The following OTUD1 variants were observed in gnomAD, a reference collection of about 807,000 sequenced individuals.
OTUD1 encodes OTU deubiquitinase 1.
Under a neutral mutation model 30.0 loss-of-function variants are expected in OTUD1, and 15 were observed. That is an observed-to-expected ratio of 0.50 (90% CI 0.33 to 0.77). OTUD1 has a LOEUF of 0.77. Among genes scored for constraint, OTUD1 ranks in the 30% least tolerant of loss-of-function variants. OTUD1 has a pLI of 0.02. For missense variants in OTUD1, 796 were observed against 697.8 expected (o/e 1.14, Z -1.59); for synonymous variants, 381 against 326.3 (o/e 1.17, Z -1.81).
At position 23,439,110 on chromosome 10, in the gene OTUD1, C is replaced by G. The variant is rs1182774362; in HGVS notation, c.-348C>G. Among the ~76,000 whole-genome samples, 3 of 150,746 alleles carry G rather than the reference C, an allele frequency of 2.0e-5. No homozygotes were observed. The highest frequency in any genetic ancestry group is 4.4e-5 in the Non-Finnish European group (3 of 67,504). ...ACCGCGCTCCTCCTCGCCGGCGGGA[C>G]GCGCTCCAACGGGGCGGGCGGCTTC... On this transcript the variant is annotated 5_prime_UTR_variant, in exon 1 of 1. Coordinates refer to ENST00000376495, the MANE Select transcript of OTUD1 (RefSeq NM_001145373.3).
rs772805193 is a variant in OTUD1 at position 23,440,526 on chromosome 10, C to A, written c.1069C>A (p.Leu357Met). 2 of 1,551,754 alleles carry A rather than the reference C, an allele frequency of 1.3e-6. No homozygotes were observed. ...IADHLDHFSP[L>M]IEGDVGEFII... is the part of the protein sequence containing the mutation. ...CGACCATCTCGACCACTTCAGCCCC[C>A]TGATTGAGGGCGACGTGGGGGAGTT... Residue 357 changes from leucine to methionine, a missense_variant, in exon 1 of 1, where the codon CTG (leucine) becomes ATG (methionine). Physicochemically the swap from Leu to Met is conservative, Grantham distance 15 (BLOSUM62 2). Transcript: ENST00000376495.
rs141310999 is a variant in OTUD1, at chr10:23,441,567, GT to G, written c.*674del. 7,631 of 158,624 alleles carry G rather than the reference GT, an allele frequency of 0.048. 619 individuals carry two copies. Among genetic ancestry groups the G allele is most frequent in the African/African-American group, 0.17 (6,980 of 40,334 alleles). The allele number at this position is 158,624 out of a possible 1,614,324, so 9.8% of individuals were successfully genotyped here. ...AGGTTGTGGGAAGGTGTTTTTTTGT[GT>G]TTTTTTTTTGGTTTTTGTTTTGTTT... On this transcript the variant is annotated 3_prime_UTR_variant, in exon 1 of 1. Coordinates refer to ENST00000376495, the MANE Select transcript of OTUD1 (RefSeq NM_001145373.3).
chr10:23,440,736 C>T lies in OTUD1; in HGVS notation c.1279C>T (p.Leu427Phe). ...GAGGCCTAGTATTTGGCTCAGTTGG[C>T]TCAGTAACGGACACTATGATGCTGT... ...SLRPSIWLSW[L>F]SNGHYDAVFD... is the part of the protein sequence containing the mutation. The change falls in exon 1 of 1, where the codon CTC becomes TTC. Residue 427 changes from leucine to phenylalanine, a missense_variant. By Grantham distance (22) the Leu-to-Phe change is conservative (BLOSUM62 0). Transcript: ENST00000376495. 6.4e-7 allele frequency: 1 copy of T among 1,552,062 alleles called. No individual in the cohort carries two copies.
chr10:23,439,664 CG>C lies in OTUD1; in HGVS notation c.208del (p.Ala70ProfsTer126). On this transcript the variant is annotated frameshift_variant, in exon 1 of 1. Coordinates refer to ENST00000376495, the MANE Select transcript of OTUD1 (RefSeq NM_001145373.3). LOFTEE classifies it high-confidence loss of function. ...ACCGGGAAGCCGCCGCTGTCCCCGC[CG>C]CCAAGATGCCCGCCTTCTCCTCCTG... ...EHREAAAVPA[A>X]KMPAFSSCFE... 7.7e-7 allele frequency: 1 copy of C among 1,298,974 alleles called. No homozygotes were observed. Among genetic ancestry groups the C allele is most frequent in the Non-Finnish European group, 9.8e-7 (1 of 1,016,488 alleles). The allele number at this position is 1,298,974 out of a possible 1,614,324, so 80.5% of individuals were successfully genotyped here.
chr10:23,440,311 C>G lies in OTUD1; in HGVS notation c.854C>G (p.Pro285Arg), dbSNP rs1847113849. The change falls in exon 1 of 1, where the codon CCC becomes CGC. Residue 285 changes from proline (P) to arginine (R), a missense_variant. By Grantham distance (103) the Pro-to-Arg change is moderately radical. Coordinates refer to ENST00000376495, the MANE Select transcript of OTUD1 (RefSeq NM_001145373.3). ...AEPVIVSRSD[P>R]RDEKLALYLA... Reference sequence around the variant, plus strand: ...CCGGTGATCGTCTCCAGGTCGGATCCCAGAGACGAGAAGCTGGCCCTATAC... The same window carrying G: ...CCGGTGATCGTCTCCAGGTCGGATCGCAGAGACGAGAAGCTGGCCCTATAC... 1 of 1,550,906 alleles carries G rather than the reference C, an allele frequency of 6.4e-7. No homozygotes were observed. The highest frequency in any genetic ancestry group is 1.4e-5 in the African/African-American group (1 of 73,068).
At position 23,439,906 on chromosome 10, in the gene OTUD1, C is replaced by T. The variant is rs1278032921; in HGVS notation, c.449C>T (p.Ala150Val). The change falls in exon 1 of 1, where the codon GCC (alanine) becomes GTC (valine). Residue 150 changes from alanine (A) to valine (V), a missense_variant. Ala to Val is a moderately conservative substitution (Grantham distance 64). Transcript: ENST00000376495. ...CCGCGCGGCCGCTGCCTCCTGCTCG[C>T]CCCGGCGCCCGCAGCCCCGGTCCCG... ...AAPRGRCLLLAPAPAAPVPPR... is the reference protein window; with the variant it reads ...AAPRGRCLLLVPAPAAPVPPR... 1 of 1,203,386 alleles carries T rather than the reference C, an allele frequency of 8.3e-7. No individual in the cohort carries two copies. The highest frequency in any genetic ancestry group is 1.0e-6 in the Non-Finnish European group (1 of 972,880). 74.5% of individuals were successfully genotyped at this position (1,203,386 alleles called of 1,614,324 possible). A position where few individuals can be genotyped will look rare whatever the true frequency, so the allele number is the denominator to read the frequency against.
At position 23,440,790 on chromosome 10, in the gene OTUD1, TACG is replaced by T; in HGVS notation, c.1336_1338del (p.Asp446del). ...TGATCACTCCTATCCTAACCCAGAG[TACG>T]ACAACTGGTGCAAACAAACTCAAGT... On this transcript the variant is annotated inframe_deletion, in exon 1 of 1. Transcript: ENST00000376495. 6.4e-7 allele frequency: 1 copy of T among 1,552,118 alleles called. No individual in the cohort carries two copies. Among genetic ancestry groups the T allele is most frequent in the South Asian group, 1.2e-5 (1 of 84,062 alleles).
rs1486855939 is a variant in OTUD1 at position 23,440,024 on chromosome 10, C to T, written c.567C>T (p.Pro189=). The change falls in exon 1 of 1, where the codon CCC becomes CCT. Residue 189 remains proline, a synonymous_variant. Transcript: ENST00000376495. ...GCTTGGACGCGACACGGGAGGGGCCCGATCGGAACTTCCGACTGAGCGAGC... is the reference window on the plus strand; with the variant it reads ...GCTTGGACGCGACACGGGAGGGGCCTGATCGGAACTTCCGACTGAGCGAGC... ...PAGLDATREG[P]DRNFRLSEHR... 4.8e-6 allele frequency: 7 copies of T among 1,444,358 alleles called. No individual in the cohort carries two copies. The highest frequency in any genetic ancestry group is 5.4e-6 in the Non-Finnish European group (6 of 1,104,056). The allele number at this position is 1,444,358 out of a possible 1,614,324, so 89.5% of individuals were successfully genotyped here.
chr10:23,440,784 C>A lies in OTUD1; in HGVS notation c.1327C>A (p.Pro443Thr). The A allele has an allele frequency of 1.3e-6, 2 of 1,552,186 alleles. No individual in the cohort carries two copies. Among genetic ancestry groups the A allele is most frequent in the Non-Finnish European group, 1.7e-6 (2 of 1,147,112 alleles). ...TGTATTTGATCACTCCTATCCTAAC[C>A]CAGAGTACGACAACTGGTGCAAACA... ...DAVFDHSYPN[P>T]EYDNWCKQTQ... The change falls in exon 1 of 1, where the codon CCA becomes ACA. Residue 443 changes from proline (P) to threonine (T), a missense_variant. By Grantham distance (38) the Pro-to-Thr change is conservative. Transcript: ENST00000376495.
Position 23,439,309 on chromosome 10 carries a change from A to C in OTUD1, c.-149A>C. ...ACCCGGGCGCTATTCGCGGCTGCTG[A>C]CTCGCGGCGGCCGGCTGCCTTTCGC... is the stretch of plus-strand genomic sequence containing the variant. On this transcript the variant is annotated 5_prime_UTR_variant, in exon 1 of 1. Transcript: ENST00000376495. The C allele has an allele frequency of 6.4e-6, 4 of 623,710 alleles. No homozygotes were observed. The highest frequency in any genetic ancestry group is 9.0e-6 in the Non-Finnish European group (4 of 445,522). The allele number at this position is 623,710 out of a possible 1,614,324, so 38.6% of individuals were successfully genotyped here.
At position 23,440,390 on chromosome 10, in the gene OTUD1, A is replaced by T. The variant is rs1460944822; in HGVS notation, c.933A>T (p.Arg311=). The change falls in exon 1 of 1, where the codon CGA becomes CGT. Residue 311 remains arginine, a synonymous_variant. Coordinates refer to ENST00000376495, the MANE Select transcript of OTUD1 (RefSeq NM_001145373.3). ...DKYLRQRNKY[R]FHIIPDGNCL... is the part of the protein sequence containing the mutation. ...ATCTGCGGCAGAGGAATAAGTACCGATTCCACATCATTCCAGACGGCAACT... is the reference window on the plus strand; with the variant it reads ...ATCTGCGGCAGAGGAATAAGTACCGTTTCCACATCATTCCAGACGGCAACT... 1.3e-6 allele frequency: 2 copies of T among 1,551,608 alleles called. No individual in the cohort carries two copies. Among genetic ancestry groups the T allele is most frequent in the South Asian group, 2.4e-5 (2 of 84,062 alleles).
Position 23,441,884 on chromosome 10 carries a change from C to CT in OTUD1, c.*982dup, listed in dbSNP as rs1847132747. On this transcript the variant is annotated 3_prime_UTR_variant, in exon 1 of 1. Transcript: ENST00000376495. ...CCTTGGCAGTTATAGCAGGAGAACA[C>CT]TGTCTTAATATTTCTTTACATTCTT... 6.0e-6 allele frequency: 1 copy of CT among 167,004 alleles called. No homozygotes were observed. Among genetic ancestry groups the CT allele is most frequent in the Admixed American group, 6.5e-5 (1 of 15,284 alleles). The allele number at this position is 167,004 out of a possible 1,614,324, so 10.3% of individuals were successfully genotyped here. A position where few individuals can be genotyped will look rare whatever the true frequency, so the allele number is the denominator to read the frequency against.
chr10:23,440,351 G>A lies in OTUD1; in HGVS notation c.894G>A (p.Glu298=). The A allele has an allele frequency of 6.4e-7, 1 of 1,551,436 alleles. No homozygotes were observed. Among genetic ancestry groups the A allele is most frequent in the Non-Finnish European group, 8.7e-7 (1 of 1,146,888 alleles). Residue 298 remains glutamate (E), a synonymous_variant, in exon 1 of 1, where the codon GAG becomes GAA. Transcript: ENST00000376495. The stretch of plus-strand genomic sequence containing the variant: ...TGGCCCTATACCTGGCCGAGGTGGA[G>A]AAGCAGGACAAGTATCTGCGGCAGA... The part of the protein sequence containing the change: ...EKLALYLAEV[E]KQDKYLRQRN...
chr10:23,439,996 C>A lies in OTUD1; in HGVS notation c.539C>A (p.Ala180Glu). The change falls in exon 1 of 1, where the codon GCG becomes GAG. Residue 180 changes from alanine (A) to glutamate (E), a missense_variant. By Grantham distance (107) the Ala-to-Glu change is moderately radical. Coordinates refer to ENST00000376495, the MANE Select transcript of OTUD1 (RefSeq NM_001145373.3). ...CTGCGGCCCGACTGCCCCGAGCCCG[C>A]GGGCTTGGACGCGACACGGGAGGGG... The part of the protein sequence containing the change: ...ELLRPDCPEP[A>E]GLDATREGPD... The A allele has an allele frequency of 1.5e-6, 2 of 1,373,412 alleles. No homozygotes were observed. The highest frequency in any genetic ancestry group is 1.9e-6 in the Non-Finnish European group (2 of 1,066,092). 85.1% of individuals were successfully genotyped at this position (1,373,412 alleles called of 1,614,324 possible).
In OTUD1 at chr10:23,440,056, A is replaced by G; in HGVS notation, c.599A>G (p.Gln200Arg). 6.9e-7 allele frequency: 1 copy of G among 1,452,608 alleles called. No individual in the cohort carries two copies. The highest frequency in any genetic ancestry group is 9.0e-7 in the Non-Finnish European group (1 of 1,108,898). 90.0% of individuals were successfully genotyped at this position (1,452,608 alleles called of 1,614,324 possible). Residue 200 changes from glutamine to arginine, a missense_variant, in exon 1 of 1, where the codon CAG (glutamine) becomes CGG (arginine). Physicochemically the swap from Gln to Arg is conservative, Grantham distance 43. Transcript: ENST00000376495. ...DRNFRLSEHR[Q>R]ALAAAKHRGP... ...AACTTCCGACTGAGCGAGCACCGCC[A>G]GGCCCTGGCCGCCGCCAAGCACCGA... is the stretch of plus-strand genomic sequence containing the variant.
rs1847130788 is a variant in OTUD1 at position 23,441,678 on chromosome 10, G to A, written c.*775G>A. 6.0e-6 allele frequency: 1 copy of A among 166,950 alleles called. No homozygotes were observed. The highest frequency in any genetic ancestry group is 2.1e-4 in the South Asian group (1 of 4,824). 10.3% of individuals were successfully genotyped at this position (166,950 alleles called of 1,614,324 possible). A position where few individuals can be genotyped will look rare whatever the true frequency, so the allele number is the denominator to read the frequency against. ...GGCAGAATGATTATTCTGTACCCTG[G>A]TTGATGTGTAGAGTAGATTGTCTGG... On this transcript the variant is annotated 3_prime_UTR_variant, in exon 1 of 1. Transcript: ENST00000376495.
Position 23,440,808 on chromosome 10 carries a change from C to A in OTUD1, c.1351C>A (p.Gln451Lys), listed in dbSNP as rs1405177661. 6.4e-7 allele frequency: 1 copy of A among 1,552,180 alleles called. No homozygotes were observed. The change falls in exon 1 of 1, where the codon CAA (glutamine) becomes AAA (lysine). Residue 451 changes from glutamine to lysine, a missense_variant. Transcript: ENST00000376495. Reference protein sequence around the residue: ...PNPEYDNWCKQTQVQRKRDEE... With the variant: ...PNPEYDNWCKKTQVQRKRDEE... ...CCCAGAGTACGACAACTGGTGCAAA[C>A]AAACTCAAGTGCAAAGGAAACGCGA...
Position 23,439,736 on chromosome 10 carries a change from C to T in OTUD1, c.279C>T (p.Ala93=). ...CCGCCGCGCCCGCCTCCGCCGCCGCCGGCCCGCCCGGCGCGTCCTGCAAGC... is the reference window on the plus strand; with the variant it reads ...CCGCCGCGCCCGCCTCCGCCGCCGCTGGCCCGCCCGGCGCGTCCTGCAAGC... The part of the protein sequence containing the change: ...SGAAAPASAA[A]GPPGASCKPP... The change falls in exon 1 of 1, where the codon GCC becomes GCT. Residue 93 remains alanine (A), a synonymous_variant. Coordinates refer to ENST00000376495, the MANE Select transcript of OTUD1 (RefSeq NM_001145373.3). 10 of 1,167,144 alleles carry T rather than the reference C, an allele frequency of 8.6e-6. No homozygotes were observed. The highest frequency in any genetic ancestry group is 1.1e-5 in the Non-Finnish European group (10 of 950,850). 72.3% of individuals were successfully genotyped at this position (1,167,144 alleles called of 1,614,324 possible). A position where few individuals can be genotyped will look rare whatever the true frequency, so the allele number is the denominator to read the frequency against.
rs1361189114 is a variant in OTUD1 at position 23,442,007 on chromosome 10, T to G, written c.*1104T>G. 6.0e-6 allele frequency: 1 copy of G among 167,018 alleles called. No homozygotes were observed. The highest frequency in any genetic ancestry group is 1.9e-4 in the East Asian group (1 of 5,208). 10.3% of individuals were successfully genotyped at this position (167,018 alleles called of 1,614,324 possible). A position where few individuals can be genotyped will look rare whatever the true frequency, so the allele number is the denominator to read the frequency against. ...GTCAAACAATGTTTCCAACTTAAAA[T>G]CAATCTCATTGCCACTTTAACTACT... is the stretch of plus-strand genomic sequence containing the variant. On this transcript the variant is annotated 3_prime_UTR_variant, in exon 1 of 1. Coordinates refer to ENST00000376495, the MANE Select transcript of OTUD1 (RefSeq NM_001145373.3).
Sources: allele counts gnomAD v4.1 joint callset (sites outside exome capture counted in the v4.1 genomes callset), GRCh38; gene constraint gnomAD v4.1.1; transcripts MANE v1.5; gene names NCBI Gene and HGNC (gene_info 2026-07-23, HGNC 2026-07-21).